GRXCR1: variants seen among roughly 807,000 people sequenced by gnomAD.
The protein encoded by GRXCR1 is glutaredoxin domain-containing cysteine-rich protein 1.
Under a neutral mutation model 27.3 loss-of-function variants are expected in GRXCR1, and 27 were observed. The observed-to-expected ratio is 0.99, with a 90% CI of 0.73 to 1.37. The LOEUF is 1.37. Among genes scored for constraint, GRXCR1 ranks in the 40% most tolerant of loss-of-function variants. GRXCR1 has a pLI of 0.00. For synonymous variants in GRXCR1, 122 were observed against 131.1 expected, an observed-to-expected ratio of 0.93 and a Z score of 0.47; for missense variants, 379 against 354.4, an observed-to-expected ratio of 1.07 and a Z score of -0.56.
At chr4:42,993,563 C>T (rs1281409383) in intron 2 of GRXCR1, among the ~76,000 whole-genome samples, 3 of 152,098 alleles carry the variant, frequency 2.0e-5, no homozygotes, top group Non-Finnish European at 4.4e-5. Flanking sequence ...CTTAAACATG[C>T]TCAGAATACT....
At chr4:42,997,450 GT>G (rs1265260686) in intron 2 of GRXCR1, among the ~76,000 whole-genome samples, 1 of 152,138 alleles carries the variant, frequency 6.6e-6, no homozygotes, top group Admixed American at 6.5e-5. Flanking sequence ...TATAAACCGT[GT>G]TTTTTTATTT....
At chr4:42,943,470 C>G (rs12510552) in intron 1 of GRXCR1, among the ~76,000 whole-genome samples, 26,414 of 151,900 alleles carry the variant, frequency 0.17, 2,349 homozygotes, top group South Asian at 0.21. Context: ...GAATAAGATC[C>G]CTGGGCCCAG....
chr4:42,981,093 TTCTC>T (rs1328062551), intron 2 of GRXCR1, among the ~76,000 whole-genome samples: 1 of 151,892 alleles, frequency 6.6e-6, no homozygotes, highest in Non-Finnish European at 1.5e-5. Context: ...TATAGATCTT[TTCTC>T]TCTTTCTTTT....
intron 2 of GRXCR1, among the ~76,000 whole-genome samples, chr4:42,979,701 T>C (rs192736946): frequency 2.0e-5 from 3 of 152,010 alleles, no homozygotes; most frequent in Admixed American, 2.0e-4. Flanking sequence ...TCATTTTGAG[T>C]TTATTGGAAG....
chr4:42,912,485 G>A (rs187747920), intron 1 of GRXCR1, among the ~76,000 whole-genome samples: 6 of 152,260 alleles, frequency 3.9e-5, no homozygotes, highest in Middle Eastern at 6.8e-3. Context: ...AATGCTCATT[G>A]CATGTAAACT....
At chr4:43,001,902 A>G (rs1271239663) in intron 2 of GRXCR1, among the ~76,000 whole-genome samples, 1 of 152,216 alleles carries the variant, frequency 6.6e-6, no homozygotes, top group Admixed American at 6.5e-5. Context: ...ACATGTGAGC[A>G]AAATAATCTA....
At chr4:42,945,646 T>C (rs1305203177) in intron 1 of GRXCR1, among the ~76,000 whole-genome samples, 1 of 152,128 alleles carries the variant, frequency 6.6e-6, no homozygotes, top group African/African-American at 2.4e-5. Flanking sequence ...TCTTGCAGAC[T>C]TTTTAGGTAA....
intron 2 of GRXCR1, among the ~76,000 whole-genome samples, chr4:42,975,770 A>G (rs757149425): frequency 4.6e-5 from 7 of 152,114 alleles, no homozygotes; most frequent in Non-Finnish European, 8.8e-5. Flanking sequence ...TCTTCCCTCA[A>G]GTCTTAATCT....
intron 1 of GRXCR1, among the ~76,000 whole-genome samples, chr4:42,926,533 C>T (rs1747162582): frequency 6.6e-6 from 1 of 151,814 alleles, no homozygotes; most frequent in African/African-American, 2.4e-5. Flanking sequence ...TCCCTTGACT[C>T]AGTGATAATG....
At chr4:42,996,691 C>T (rs1294896101) in intron 2 of GRXCR1, among the ~76,000 whole-genome samples, 2 of 151,808 alleles carry the variant, frequency 1.3e-5, no homozygotes, top group Admixed American at 6.6e-5. Context: ...TTATTGTAGA[C>T]AGCTATCATC....
chr4:43,013,432 G>A (rs376587819), intron 2 of GRXCR1, among the ~76,000 whole-genome samples: 1 of 152,050 alleles, frequency 6.6e-6, no homozygotes, highest in African/African-American at 2.4e-5. Context: ...CTAAACTTTG[G>A]GTACTCATGG....
chr4:42,912,170 A>C (rs552800796), intron 1 of GRXCR1, among the ~76,000 whole-genome samples: 2 of 152,302 alleles, frequency 1.3e-5, no homozygotes, highest in Non-Finnish European at 2.9e-5. Flanking sequence ...TATTCAAAAA[A>C]TGGGTATTTA....
intron 2 of GRXCR1, among the ~76,000 whole-genome samples, chr4:42,964,969 T>G (rs1303549954): frequency 1.3e-5 from 2 of 152,054 alleles, no homozygotes; most frequent in Non-Finnish European, 2.9e-5. Context: ...CATTTCCCAT[T>G]GTGGAATTTC....
At chr4:42,910,015 C>T (rs1252407407) in intron 1 of GRXCR1, among the ~76,000 whole-genome samples, 1 of 152,100 alleles carries the variant, frequency 6.6e-6, no homozygotes, top group Non-Finnish European at 1.5e-5. Context: ...GTTTAATTGA[C>T]TCATAGTTCC....
chr4:42,980,841 AT>A (rs1006215061), intron 2 of GRXCR1, among the ~76,000 whole-genome samples: 1 of 151,864 alleles, frequency 6.6e-6, no homozygotes, highest in Admixed American at 6.6e-5. Context: ...CATTTATAAT[AT>A]TTTTTGGTTT....
At chr4:42,944,319 A>G (rs1358443451) in intron 1 of GRXCR1, among the ~76,000 whole-genome samples, 1 of 152,118 alleles carries the variant, frequency 6.6e-6, no homozygotes, top group Non-Finnish European at 1.5e-5. Context: ...GTTAGACTAT[A>G]GCACAAGCGA....
intron 1 of GRXCR1, among the ~76,000 whole-genome samples, chr4:42,901,880 A>T (rs1390211821): frequency 6.6e-6 from 1 of 152,168 alleles, no homozygotes; most frequent in Non-Finnish European, 1.5e-5. Flanking sequence ...CTTTGGCTGA[A>T]AGGATGGTAA....
chr4:42,999,307 G>A (rs867758341), intron 2 of GRXCR1, among the ~76,000 whole-genome samples: 1 of 152,222 alleles, frequency 6.6e-6, no homozygotes, highest in Non-Finnish European at 1.5e-5. Flanking sequence ...AATGCTCAGA[G>A]TTGGGTGTGA....
intron 2 of GRXCR1, among the ~76,000 whole-genome samples, chr4:42,979,499 C>T (rs1748601124): frequency 6.6e-6 from 1 of 151,966 alleles, no homozygotes; most frequent in Admixed American, 6.6e-5. Context: ...TGGGAAGAAT[C>T]TCAATCATGG....
Sources: gnomAD v4.1 joint callset for allele counts (sites outside exome capture counted in the v4.1 genomes callset) on GRCh38, gnomAD v4.1.1 for gene constraint, MANE v1.5 for transcripts, NCBI Gene and HGNC (gene_info 2026-07-23, HGNC 2026-07-21) for gene names.